The following NGEF variants were observed in gnomAD, a reference collection of about 807,000 sequenced individuals.
NGEF encodes the protein ephexin-1.
A neutral mutation model predicts 80.9 loss-of-function variants in NGEF; 31 were observed. The observed-to-expected ratio is 0.38, with a 90% CI of 0.29 to 0.52. NGEF has a LOEUF of 0.52. NGEF is among the 20% of genes least tolerant of loss of function. NGEF has a pLI of 0.84. For missense variants in NGEF, 709 were observed against 926.2 expected (o/e 0.77, Z 3.04); for synonymous variants, 371 against 370.2 (o/e 1.00, Z -0.03).
At chr2:232,880,015 C>T (rs948386564) in intron 14 of NGEF, among the ~76,000 whole-genome samples, 1 of 152,204 alleles carries the variant, frequency 6.6e-6, no homozygotes, top group African/African-American at 2.4e-5. Context: ...AAGCTGGAGG[C>T]ATTCAAGGGG....
intron 4 of NGEF, among the ~76,000 whole-genome samples, chr2:232,926,208 C>T (rs1335226878): frequency 2.0e-5 from 3 of 152,196 alleles, no homozygotes; most frequent in African/African-American, 7.2e-5. Flanking sequence ...AACAGATAGA[C>T]TGTCGGCTGC....
chr2:232,948,344 C>T (rs1693605689), intron 3 of NGEF, among the ~76,000 whole-genome samples: 1 of 152,084 alleles, frequency 6.6e-6, no homozygotes, highest in South Asian at 2.1e-4. Flanking sequence ...GCGCCCGCCA[C>T]CATGCTTGAC....
chr2:232,983,750 G>A (rs1018508030), intron 1 of NGEF, among the ~76,000 whole-genome samples: 1 of 152,130 alleles, frequency 6.6e-6, no homozygotes, highest in Non-Finnish European at 1.5e-5. Context: ...GGTTAAGTAT[G>A]AATTACAGGA....
chr2:232,901,367 C>T (rs565950960), intron 5 of NGEF: 67 of 985,464 alleles, frequency 6.8e-5, no homozygotes, highest in African/African-American at 4.0e-4. Context: ...TTTACCTACA[C>T]GGTCTCCTTA....
intron 3 of NGEF, among the ~76,000 whole-genome samples, chr2:232,939,976 G>A (rs1004490387): frequency 2.7e-5 from 4 of 150,360 alleles, no homozygotes; most frequent in East Asian, 1.9e-4. Flanking sequence ...CAGCCCGAGC[G>A]ACAGAGTGGG....
chr2:232,895,032 C>T lies in NGEF; in HGVS notation c.829-116G>A, dbSNP rs187496603. On this transcript the variant is annotated intron_variant, in intron 5 of 14. Coordinates refer to ENST00000264051, the MANE Select transcript of NGEF (RefSeq NM_019850.3). ...CAGCAGGGAGTTGAAAGGGAAAAAT[C>T]GCCTGCTCCTGGGGCCTGGGATGGC... 10 of 1,213,764 alleles carry T rather than the reference C, an allele frequency of 8.2e-6. No homozygotes were observed. The African/African-American group carries it at 1.2e-4, about 14-fold the overall frequency. The allele number at this position is 1,213,764 out of a possible 1,614,324, so 75.2% of individuals were successfully genotyped here. A position where few individuals can be genotyped will look rare whatever the true frequency, so the allele number is the denominator to read the frequency against.
chr2:232,884,680 A>C (rs1370225081), intron 10 of NGEF, among the ~76,000 whole-genome samples: 1 of 152,152 alleles, frequency 6.6e-6, no homozygotes, highest in Non-Finnish European at 1.5e-5. Context: ...GATGCAACTC[A>C]GGGGCAGGCG....
intron 1 of NGEF, among the ~76,000 whole-genome samples, chr2:232,994,772 C>T (rs1055384093): frequency 2.0e-5 from 3 of 152,026 alleles, no homozygotes; most frequent in South Asian, 2.1e-4. Flanking sequence ...TTGCACACTG[C>T]TGGCACTCAG....
At chr2:232,979,109 C>T (rs1231747107) in intron 1 of NGEF, among the ~76,000 whole-genome samples, 3 of 152,126 alleles carry the variant, frequency 2.0e-5, no homozygotes, top group Non-Finnish European at 2.9e-5. Flanking sequence ...TCTCCATTTC[C>T]AGCTGCTTGT....
chr2:232,930,836 T>C (rs1693201865), intron 3 of NGEF, among the ~76,000 whole-genome samples: 1 of 152,230 alleles, frequency 6.6e-6, no homozygotes, highest in Non-Finnish European at 1.5e-5. Flanking sequence ...CGTGTGCTTC[T>C]TGCATGTAAA....
At chr2:232,978,723 C>T (rs1432531137) in intron 1 of NGEF, among the ~76,000 whole-genome samples, 4 of 152,016 alleles carry the variant, frequency 2.6e-5, no homozygotes, top group African/African-American at 9.7e-5. Context: ...CTTGGTTTGC[C>T]CTTTTCTGTT....
intron 5 of NGEF, among the ~76,000 whole-genome samples, chr2:232,898,394 C>G (rs1300672879): frequency 6.6e-6 from 1 of 152,188 alleles, no homozygotes; most frequent in Non-Finnish European, 1.5e-5. Context: ...GCAGGTAGGG[C>G]CTTTCAGCTG....
rs143698886 is a variant in NGEF at position 232,924,595 on chromosome 2, G to T, written c.526+2449C>A. ...AACTGCCCTTCCTGTTTCACACATG[G>T]CTCCCTGAGGATGTGATGCCTGGAG... On this transcript the variant is annotated intron_variant, in intron 4 of 14. Coordinates refer to ENST00000264051, the MANE Select transcript of NGEF (RefSeq NM_019850.3). Among the ~76,000 whole-genome samples, 30 of 152,234 alleles carry T rather than the reference G, an allele frequency of 2.0e-4. No homozygotes were observed. The East Asian group carries it at 4.2e-3, about 22-fold the overall frequency.
chr2:232,886,064 T>A (rs140686074), intron 9 of NGEF, among the ~76,000 whole-genome samples: 377 of 97,150 alleles, frequency 3.9e-3, no homozygotes, highest in African/African-American at 0.014. Flanking sequence ...CCACAAGCCC[T>A]TTTTGTAAAG....
chr2:232,886,500 C>T (rs188646615), intron 9 of NGEF, among the ~76,000 whole-genome samples: 7 of 152,306 alleles, frequency 4.6e-5, no homozygotes, highest in Admixed American at 2.6e-4. Context: ...TGCAGCCTGT[C>T]GGCAGGGAGG....
intron 2 of NGEF, 116 bp downstream of exon 2, chr2:232,974,507 T>C (rs1396089364): frequency 8.1e-7 from 1 of 1,233,220 alleles, no homozygotes; most frequent in Non-Finnish European, 1.1e-6. Flanking sequence ...CTGTTGAAAC[T>C]GTCCTTGGTA....
intron 2 of NGEF, among the ~76,000 whole-genome samples, chr2:232,973,691 A>T (rs1322823674): frequency 6.6e-6 from 1 of 152,180 alleles, no homozygotes; most frequent in East Asian, 1.9e-4. Context: ...GCTGTCCTCC[A>T]CCTTCCAAAC....
At chr2:233,002,444 G>A (rs1694999023) in intron 1 of NGEF, among the ~76,000 whole-genome samples, 1 of 152,116 alleles carries the variant, frequency 6.6e-6, no homozygotes. Flanking sequence ...TTGGGAGGCC[G>A]AGGCAGGAGG....
intron 5 of NGEF, among the ~76,000 whole-genome samples, chr2:232,919,595 TG>T (rs1203526745): frequency 6.6e-6 from 1 of 152,214 alleles, no homozygotes; most frequent in Non-Finnish European, 1.5e-5. Context: ...AAATAATCTT[TG>T]TTCCACTAAA....
Sources: allele counts gnomAD v4.1 joint callset (sites outside exome capture counted in the v4.1 genomes callset), GRCh38; gene constraint gnomAD v4.1.1; transcripts MANE v1.5; gene names NCBI Gene and HGNC (gene_info 2026-07-23, HGNC 2026-07-21).